Variants in IST1 observed in about 807,000 individuals in gnomAD.
The protein encoded by IST1 is IST1 homolog.
IST1 carries 23 observed loss-of-function variants against 37.0 expected under a neutral mutation model. The observed-to-expected ratio is 0.62, with a 90% confidence interval of 0.45 to 0.88. The LOEUF (loss-of-function observed/expected upper bound fraction) is 0.88. Ranked by LOEUF, IST1 falls within the 40% of genes least tolerant of loss-of-function variation. The pLI, the probability that IST1 is intolerant of heterozygous loss-of-function variation, is 0.00. For missense variants in IST1, 488 were observed against 445.4 expected, an observed-to-expected ratio of 1.10 and a Z score of -0.86; for synonymous variants, 180 against 161.7, an observed-to-expected ratio of 1.11 and a Z score of -0.86.
intron 1 of IST1, among the ~76,000 whole-genome samples, chr16:71,902,638 T>G (rs1201824229): frequency 6.6e-6 from 1 of 152,178 alleles, no homozygotes; most frequent in Non-Finnish European, 1.5e-5. Context: ...ATTTAGTAAA[T>G]TTGAGTTTCT....
rs1209275579 is a variant in IST1, at chr16:71,930,859, C to G, written c.*3046C>G. 6.6e-6 allele frequency: 1 copy of G among 152,184 alleles called. No homozygotes were observed. Among genetic ancestry groups the G allele is most frequent in the Non-Finnish European group, 1.5e-5 (1 of 68,044 alleles). 9.4% of individuals were successfully genotyped at this position (152,184 alleles called of 1,614,324 possible). On this transcript the variant is annotated 3_prime_UTR_variant, in exon 10 of 10. Transcript: ENST00000378799. ...CCCATTCATTGTTGCCACTAGGGCA[C>G]TGTTTAAAAATATCCCAACAGAGGG...
chr16:71,899,429 T>A (rs2037051964), intron 1 of IST1, among the ~76,000 whole-genome samples: 1 of 152,190 alleles, frequency 6.6e-6, no homozygotes, highest in South Asian at 2.1e-4. Context: ...TAAAAATTTT[T>A]AAAAAGATAA....
At chr16:71,895,172 C>T, upstream of IST1, 1 of 242,872 alleles carries the variant, frequency 4.1e-6, no homozygotes, top group South Asian at 4.8e-5. Context: ...GCGGTACTGG[C>T]AGCCGGTTAT....
chr16:71,924,933 C>T, intron 9 of IST1, 116 bp downstream of exon 9: 2 of 709,460 alleles, frequency 2.8e-6, no homozygotes, highest in Non-Finnish European at 5.0e-6. Flanking sequence ...ATCTGCATGC[C>T]CTGTTCTCTT....
At chr16:71,909,835 A>G (rs1178728069) in intron 1 of IST1, among the ~76,000 whole-genome samples, 1 of 152,214 alleles carries the variant, frequency 6.6e-6, no homozygotes, top group Non-Finnish European at 1.5e-5. Context: ...GTAGTTGTCT[A>G]CTAAGGGCAA....
Position 71,921,335 on chromosome 16 carries a change from AC to A in IST1, c.442-7del. 1.9e-6 allele frequency: 3 copies of A among 1,581,292 alleles called. No homozygotes were observed. Among genetic ancestry groups the A allele is most frequent in the Non-Finnish European group, 2.6e-6 (3 of 1,151,378 alleles). ...ATGCATCTTAGCCCTGGGTCTTTTTACTTACAGCTAATGCACAAGCTGAGTG... is the reference window on the plus strand; with the variant it reads ...ATGCATCTTAGCCCTGGGTCTTTTTATTACAGCTAATGCACAAGCTGAGTG... On this transcript the variant is annotated splice_polypyrimidine_tract_variant and splice_region_variant and intron_variant, in intron 5 of 9. Transcript: ENST00000378799.
At chr16:71,912,017 T>A (rs1313069056) in intron 1 of IST1, among the ~76,000 whole-genome samples, 1 of 151,952 alleles carries the variant, frequency 6.6e-6, no homozygotes, top group Admixed American at 6.6e-5. Context: ...ACTTGGAAGT[T>A]TGAAAGAGTG....
intron 1 of IST1, among the ~76,000 whole-genome samples, chr16:71,909,095 C>CTTTTTTTTTTTTTTTTT (rs34086105): frequency 2.9e-5 from 3 of 102,932 alleles, no homozygotes; most frequent in Non-Finnish European, 5.6e-5. Flanking sequence ...TTTTGTTTGT[C>CTTTTTTTTTTTTTTTTT]TTTTTTTTTT....
intron 1 of IST1, among the ~76,000 whole-genome samples, chr16:71,898,410 A>C (rs1316420318): frequency 2.0e-5 from 3 of 148,960 alleles, no homozygotes; most frequent in South Asian, 4.3e-4. Flanking sequence ...GGTGCGGGGC[A>C]CTGTGGCTCA....
Position 71,928,676 on chromosome 16 carries a change from AGGAAAAGAGGG to A in IST1, c.*865_*875del. On this transcript the variant is annotated 3_prime_UTR_variant, in exon 10 of 10. Coordinates refer to ENST00000378799, the MANE Select transcript of IST1 (RefSeq NM_001270975.2). ...TTGGGTAGTGAGCTGGAAAGCCTAC[AGGAAAAGAGGG>A]GTACCTGTTTTCATTTGAAAACTTT... 6.6e-6 allele frequency: 1 copy of A among 152,664 alleles called. No homozygotes were observed. The highest frequency in any genetic ancestry group is 1.5e-5 in the Non-Finnish European group (1 of 68,040). 9.5% of individuals were successfully genotyped at this position (152,664 alleles called of 1,614,324 possible).
At chr16:71,909,331 C>A (rs2142548670) in intron 1 of IST1, among the ~76,000 whole-genome samples, 1 of 152,194 alleles carries the variant, frequency 6.6e-6, no homozygotes, top group East Asian at 1.9e-4. Context: ...TTCTTGAACA[C>A]CGGCCTCAAG....
In IST1 at chr16:71,925,316, AT is replaced by A. The variant is rs772300347; in HGVS notation, c.901+517del. Among the ~76,000 whole-genome samples, 291 of 78,778 alleles carry A rather than the reference AT, an allele frequency of 3.7e-3. 2 individuals carry two copies. The highest frequency in any genetic ancestry group is 0.019 in the South Asian group (49 of 2,570). The allele number at this position is 78,778 out of a possible 152,430, so 51.7% of individuals were successfully genotyped here. A position where few individuals can be genotyped will look rare whatever the true frequency, so the allele number is the denominator to read the frequency against. Reference sequence around the variant, plus strand: ...AGACATGAGCCACTGCCCCCAGCTGATTTTTTTTTTTTTTTTTTGAGACGGA... The same window carrying A: ...AGACATGAGCCACTGCCCCCAGCTGATTTTTTTTTTTTTTTTTGAGACGGA... On this transcript the variant is annotated intron_variant, in intron 9 of 9. Transcript: ENST00000378799.
intron 1 of IST1, chr16:71,903,626 T>C (rs2037157176): frequency 6.6e-6 from 1 of 152,230 alleles, no homozygotes; most frequent in African/African-American, 2.4e-5. Flanking sequence ...GCTGGTCCCT[T>C]GGCCTCAAAC....
At chr16:71,899,372 G>T (rs2037050735) in intron 1 of IST1, among the ~76,000 whole-genome samples, 1 of 150,050 alleles carries the variant, frequency 6.7e-6, no homozygotes, top group Non-Finnish European at 1.5e-5. Flanking sequence ...GAGCCCAAGA[G>T]TTGGGAGACC....
At position 71,926,637 on chromosome 16, in the gene IST1, C is replaced by T. The variant is rs573042821; in HGVS notation, c.902-977C>T. ...CTGGGATTACAGGCGTGAGCCACCA[C>T]GCCCGGCAAACCCATACATTTTAAG... On this transcript the variant is annotated intron_variant, in intron 9 of 9. Coordinates refer to ENST00000378799, the MANE Select transcript of IST1 (RefSeq NM_001270975.2). Among the ~76,000 whole-genome samples the T allele has an allele frequency of 1.8e-4, 28 of 152,260 alleles. 1 individual carries two copies. In the East Asian group the frequency reaches 4.6e-3, roughly 25 times the overall value.
At chr16:71,920,655 G>T in intron 4 of IST1, 84 bp from the exon 5 acceptor site, 2 of 884,858 alleles carry the variant, frequency 2.3e-6, no homozygotes, top group Non-Finnish European at 3.7e-6. Context: ...TGTAATAGAC[G>T]CGTGTTTACT....
At chr16:71,924,883 GTTCC>G (rs2037701377) in intron 9 of IST1, 66 bp downstream of exon 9, 7 of 1,122,500 alleles carry the variant, frequency 6.2e-6, no homozygotes, top group Non-Finnish European at 9.5e-6. Flanking sequence ...TCTCATTATT[GTTCC>G]TCCCTTAGAG....
chr16:71,923,319 A>G lies in IST1; in HGVS notation c.791A>G (p.Tyr264Cys). The G allele has an allele frequency of 6.2e-7, 1 of 1,612,542 alleles. No homozygotes were observed. The highest frequency in any genetic ancestry group is 8.5e-7 in the Non-Finnish European group (1 of 1,178,714). The part of the protein sequence containing the change: ...SDFNGLPMGT[Y>C]QAFPNIHPPQ... ...TTCAATGGACTGCCAATGGGGACTT[A>G]TCAGGCCTTTCCCAATATTCATCCA... is the stretch of plus-strand genomic sequence containing the variant. The change falls in exon 8 of 10, where the codon TAT becomes TGT. Residue 264 changes from tyrosine (Y) to cysteine (C), a missense_variant. By Grantham distance (194) the Tyr-to-Cys change is radical. This residue lies in a region of IST1 where 455 missense variants were observed against 386.2 expected (regional missense o/e 1.18). Coordinates refer to ENST00000378799, the MANE Select transcript of IST1 (RefSeq NM_001270975.2).
upstream of IST1, chr16:71,894,559 T>A: frequency 3.2e-6 from 1 of 311,840 alleles, no homozygotes. Context: ...TTTCTTTTTT[T>A]CTGTAGCCTA....
Sources: allele counts gnomAD v4.1 joint callset (sites outside exome capture counted in the v4.1 genomes callset), GRCh38; gene constraint gnomAD v4.1.1; regional missense constraint gnomAD v4.1.1; transcripts MANE v1.5; gene names NCBI Gene and HGNC (gene_info 2026-07-23, HGNC 2026-07-21).